Variants in CCNY observed in about 807,000 individuals in gnomAD.
CCNY encodes the protein cyclin Y.
Under a neutral mutation model 42.8 loss-of-function variants are expected in CCNY, and 19 were observed. The ratio of observed to expected loss-of-function variants is 0.44; its 90% CI spans 0.31 to 0.65. The LOEUF (loss-of-function observed/expected upper bound fraction) is 0.65. Ranked by LOEUF, CCNY falls within the 30% of genes least tolerant of loss-of-function variation. The pLI is 0.07. For missense variants in CCNY, 370 were observed against 437.3 expected (o/e 0.85, Z 1.37); for synonymous variants, 165 against 162.7 (o/e 1.01, Z -0.11).
At chr10:35,549,796 C>T (rs1256940012) in intron 7 of CCNY, among the ~76,000 whole-genome samples, 5 of 85,930 alleles carry the variant, frequency 5.8e-5, no homozygotes, top group African/African-American at 1.5e-4. Context: ...CCCTACAGTG[C>T]TCGTGACCCT....
chr10:35,259,326 A>ACCTCAG (rs1452724559), intron 3 of CCNY, among the ~76,000 whole-genome samples: 3 of 151,676 alleles, frequency 2.0e-5, no homozygotes, highest in Non-Finnish European at 2.9e-5. Context: ...TGATCCTCCC[A>ACCTCAG]CCTCAGCCTC....
intron 3 of CCNY, among the ~76,000 whole-genome samples, chr10:35,301,968 T>C (rs573932238): frequency 5.5e-4 from 83 of 151,472 alleles, no homozygotes; most frequent in Non-Finnish European, 3.7e-4. Context: ...ATTTATTTAT[T>C]TATTTATTTT....
rs12218582 is a variant in CCNY at position 35,564,668 on chromosome 10, C to G, written c.747-1355C>G. Reference sequence around the variant, plus strand: ...GAGGGTGAGGCCCTGCACTAGGGCCCTGGCTTCACTCACAGGAAATGGTGA... The same window carrying G: ...GAGGGTGAGGCCCTGCACTAGGGCCGTGGCTTCACTCACAGGAAATGGTGA... On this transcript the variant is annotated intron_variant, in intron 8 of 9. Transcript: ENST00000374704. 3.6e-4 allele frequency among the ~76,000 whole-genome samples: 55 copies of G among 152,304 alleles called. No individual in the cohort carries two copies. In the East Asian group the frequency reaches 8.5e-3, roughly 24 times the overall value.
At chr10:35,271,358 C>G (rs1277400737) in intron 3 of CCNY, among the ~76,000 whole-genome samples, 2 of 152,164 alleles carry the variant, frequency 1.3e-5, no homozygotes, top group Admixed American at 6.5e-5. Flanking sequence ...TTAAAAACTT[C>G]AGGGGGAGCC....
At chr10:35,562,116 G>C (rs1022217403) in intron 8 of CCNY, among the ~76,000 whole-genome samples, 1 of 152,180 alleles carries the variant, frequency 6.6e-6, no homozygotes, top group African/African-American at 2.4e-5. Context: ...ATTACACCTC[G>C]AGGTTTGTCT....
At chr10:35,416,209 A>G (rs1022281143) in intron 1 of CCNY, among the ~76,000 whole-genome samples, 4 of 143,468 alleles carry the variant, frequency 2.8e-5, no homozygotes, top group African/African-American at 5.6e-5. Flanking sequence ...GTAGGGTGCT[A>G]CTTCTCTCCT....
chr10:35,420,500 T>G (rs1564404322), intron 1 of CCNY, among the ~76,000 whole-genome samples: 1 of 152,182 alleles, frequency 6.6e-6, no homozygotes, highest in Admixed American at 6.5e-5. Flanking sequence ...CAACTACTCT[T>G]TCTGCATATC....
chr10:35,458,609 T>A (rs1293068028), intron 1 of CCNY, among the ~76,000 whole-genome samples: 5 of 152,154 alleles, frequency 3.3e-5, no homozygotes, highest in African/African-American at 4.8e-5. Context: ...GAAATTACAT[T>A]CCAGTGTGGG....
chr10:35,430,069 G>A (rs1838351693), intron 1 of CCNY, among the ~76,000 whole-genome samples: 1 of 151,958 alleles, frequency 6.6e-6, no homozygotes, highest in Non-Finnish European at 1.5e-5. Flanking sequence ...CGGGCGCGGT[G>A]GCTCACGCCT....
At chr10:35,353,674 C>T (rs769678975) in intron 1 of CCNY, among the ~76,000 whole-genome samples, 10 of 152,192 alleles carry the variant, frequency 6.6e-5, no homozygotes, top group Non-Finnish European at 1.3e-4. Flanking sequence ...GATCCTTTCA[C>T]TGCAACACAC....
intron 1 of CCNY, among the ~76,000 whole-genome samples, chr10:35,363,865 G>A (rs1240087248): frequency 6.6e-6 from 1 of 152,218 alleles, no homozygotes; most frequent in Admixed American, 6.5e-5. Flanking sequence ...AGTCTTTGGA[G>A]GCAGGGTAAC....
rs1839136903 is a variant in CCNY, at chr10:35,460,579, G to T, written c.155-22825G>T. On this transcript the variant is annotated intron_variant, in intron 1 of 9. Transcript: ENST00000374704. Reference sequence around the variant, plus strand: ...TTCATTCAGTAAGCATCAAGCTACTGTTATTATAAATATGATTTGAACAAA... The same window carrying T: ...TTCATTCAGTAAGCATCAAGCTACTTTTATTATAAATATGATTTGAACAAA... Among the ~76,000 whole-genome samples, 3 of 152,200 alleles carry T rather than the reference G, an allele frequency of 2.0e-5. 1 individual carries two copies. Among genetic ancestry groups the T allele is most frequent in the African/African-American group, 7.2e-5 (3 of 41,450 alleles).
chr10:35,378,720 G>T (rs763736151), intron 1 of CCNY, among the ~76,000 whole-genome samples: 1 of 152,210 alleles, frequency 6.6e-6, no homozygotes, highest in Non-Finnish European at 1.5e-5. Flanking sequence ...ATCCTGCCCC[G>T]TTCGATCCTT....
At chr10:35,267,888 T>G (rs1191850341) in intron 3 of CCNY, among the ~76,000 whole-genome samples, 1 of 151,972 alleles carries the variant, frequency 6.6e-6, no homozygotes, top group African/African-American at 2.4e-5. Flanking sequence ...TGAGATGGGG[T>G]GTTGTTGATG....
At chr10:35,468,221 C>T (rs1564422929) in intron 1 of CCNY, among the ~76,000 whole-genome samples, 2 of 152,190 alleles carry the variant, frequency 1.3e-5, no homozygotes. Flanking sequence ...CAAGGAAACT[C>T]TCTGGGGCCT....
At chr10:35,395,555 C>T (rs1026632775) in intron 1 of CCNY, among the ~76,000 whole-genome samples, 3 of 150,712 alleles carry the variant, frequency 2.0e-5, no homozygotes, top group South Asian at 2.1e-4. Flanking sequence ...CAGTAGAGGA[C>T]GAGGAACACA....
intron 1 of CCNY, among the ~76,000 whole-genome samples, chr10:35,429,202 C>G (rs1012207667): frequency 6.6e-6 from 1 of 152,140 alleles, no homozygotes; most frequent in African/African-American, 2.4e-5. Flanking sequence ...ACAGATTGAA[C>G]GCTGAAGCAG....
At chr10:35,523,611 A>G (rs530125121) in intron 4 of CCNY, among the ~76,000 whole-genome samples, 90 of 152,300 alleles carry the variant, frequency 5.9e-4, no homozygotes, top group African/African-American at 2.0e-3. Flanking sequence ...ATAATATCCA[A>G]TCTTGGCTTT....
intron 8 of CCNY, among the ~76,000 whole-genome samples, chr10:35,565,101 C>T (rs1280745555): frequency 6.6e-6 from 1 of 152,164 alleles, no homozygotes; most frequent in Non-Finnish European, 1.5e-5. Context: ...TCCCCCCACC[C>T]AGAGGAACTA....
Sources: gnomAD v4.1 joint callset for allele counts (sites outside exome capture counted in the v4.1 genomes callset) on GRCh38, gnomAD v4.1.1 for gene constraint, MANE v1.5 for transcripts, NCBI Gene and HGNC (gene_info 2026-07-23, HGNC 2026-07-21) for gene names.